Variants in CCDC141 observed in about 807,000 individuals in gnomAD.
CCDC141 encodes the protein coiled-coil domain containing 141.
In CCDC141, 168 loss-of-function variants were observed where a neutral mutation model predicts 181.0. The observed-to-expected ratio is 0.93, with a 90% CI of 0.82 to 1.05. The LOEUF (loss-of-function observed/expected upper bound fraction) is 1.05. Among genes scored for constraint, CCDC141 ranks in the 50% least tolerant of loss-of-function variants. The pLI is 0.00. For synonymous variants in CCDC141, 666 were observed against 642.3 expected, an observed-to-expected ratio of 1.04 and a Z score of -0.56; for missense variants, 1,902 against 1,788.5, an observed-to-expected ratio of 1.06 and a Z score of -1.14.
At chr2:178,966,404 A>G (rs555348868) in intron 4 of CCDC141, among the ~76,000 whole-genome samples, 4 of 152,266 alleles carry the variant, frequency 2.6e-5, no homozygotes, top group African/African-American at 4.8e-5. Context: ...CTCTGGGATG[A>G]AGCTTCCAGA....
intron 3 of CCDC141, among the ~76,000 whole-genome samples, chr2:178,976,643 G>C (rs997286370): frequency 6.6e-6 from 1 of 152,130 alleles, no homozygotes; most frequent in South Asian, 2.1e-4. Context: ...AAATAATCTT[G>C]TAATAATGAT....
At chr2:178,844,291 G>T (rs566337625) in intron 22 of CCDC141, among the ~76,000 whole-genome samples, 2 of 152,100 alleles carry the variant, frequency 1.3e-5, no homozygotes, top group Non-Finnish European at 2.9e-5. Flanking sequence ...TCTTTATTGT[G>T]TCGACCACTC....
At chr2:178,818,503 C>T in the CCDC141 span, among the ~76,000 whole-genome samples, 4 of 152,150 alleles carry the variant, frequency 2.6e-5, no homozygotes, top group African/African-American at 9.7e-5. Flanking sequence ...TGTTTAACTA[C>T]CACTTATAAG....
In CCDC141 at chr2:178,865,819, C is replaced by T. The variant is rs775183674; in HGVS notation, c.2672G>A (p.Arg891Gln). The change falls in exon 17 of 24, where the codon CGG becomes CAG. Residue 891 changes from arginine to glutamine, a missense_variant. By Grantham distance (43) the Arg-to-Gln change is conservative. Transcript: ENST00000443758. Reference protein sequence around the residue: ...KWRAKAEEYGRTLSRSVEYCA... With the variant: ...KWRAKAEEYGQTLSRSVEYCA... ...GTACTCCACACTACGGGACAGGGTC[C>T]GTCCATACTCCTCAGCTTTGGCACG... The T allele has an allele frequency of 1.3e-5, 21 of 1,606,238 alleles. No homozygotes were observed. Among genetic ancestry groups the T allele is most frequent in the Admixed American group, 5.1e-5 (3 of 58,932 alleles).
At chr2:178,949,214 A>G (rs1196331540) in intron 5 of CCDC141, among the ~76,000 whole-genome samples, 1 of 152,100 alleles carries the variant, frequency 6.6e-6, no homozygotes, top group Non-Finnish European at 1.5e-5. Flanking sequence ...TGGAAGTCCC[A>G]CTTTGGACCC....
At chr2:179,022,916 C>T (rs973644333) in intron 2 of CCDC141, among the ~76,000 whole-genome samples, 1 of 109,276 alleles carries the variant, frequency 9.2e-6, no homozygotes, top group Admixed American at 1.0e-4. Context: ...GTATTGCTAA[C>T]TGAGTGGTCC....
chr2:178,982,050 T>C (rs761752007), intron 2 of CCDC141, among the ~76,000 whole-genome samples: 14 of 151,784 alleles, frequency 9.2e-5, no homozygotes, highest in Non-Finnish European at 1.8e-4. Flanking sequence ...TGAGATGAAA[T>C]GGACAAATTC....
At chr2:178,986,915 G>A (rs1433511789) in intron 2 of CCDC141, among the ~76,000 whole-genome samples, 1 of 151,920 alleles carries the variant, frequency 6.6e-6, no homozygotes, top group African/African-American at 2.4e-5. Context: ...TAGATTCAAT[G>A]CCATCCCCAT....
rs536050663 is a variant in CCDC141 at position 178,839,141 on chromosome 2, C to T, written c.3475-1397G>A. Among the ~76,000 whole-genome samples, 84 of 152,212 alleles carry T rather than the reference C, an allele frequency of 5.5e-4. 1 individual carries two copies. The highest frequency in any genetic ancestry group is 6.8e-3 in the Middle Eastern group (2 of 294). Reference sequence around the variant, plus strand: ...ATTTTTAAGAAAATAAGACTGGGTGCGGTGGCTCACACCTGTAATCCCAGC... The same window carrying T: ...ATTTTTAAGAAAATAAGACTGGGTGTGGTGGCTCACACCTGTAATCCCAGC... On this transcript the variant is annotated intron_variant, in intron 22 of 23. Coordinates refer to ENST00000443758, the MANE Select transcript of CCDC141 (RefSeq NM_173648.4).
rs1684327740 is a variant in CCDC141 at position 178,833,141 on chromosome 2, C to T, written c.*1032G>A. On this transcript the variant is annotated 3_prime_UTR_variant, in exon 24 of 24. Transcript: ENST00000443758. Reference sequence around the variant, plus strand: ...CCTCCATGGAACTAGTTGAAGATTACATATTAACAGCACTCCTTTAATTTA... The same window carrying T: ...CCTCCATGGAACTAGTTGAAGATTATATATTAACAGCACTCCTTTAATTTA... 1 of 152,038 alleles carries T rather than the reference C, an allele frequency of 6.6e-6. No individual in the cohort carries two copies. Among genetic ancestry groups the T allele is most frequent in the Non-Finnish European group, 1.5e-5 (1 of 68,028 alleles). The allele number at this position is 152,038 out of a possible 1,614,324, so 9.4% of individuals were successfully genotyped here. A position where few individuals can be genotyped will look rare whatever the true frequency, so the allele number is the denominator to read the frequency against.
chr2:178,994,044 G>T (rs1465416109), intron 2 of CCDC141, among the ~76,000 whole-genome samples: 1 of 152,152 alleles, frequency 6.6e-6, no homozygotes, highest in Non-Finnish European at 1.5e-5. Flanking sequence ...GGTTGGCATT[G>T]ATTGTCTGTG....
chr2:178,822,789 T>A, the CCDC141 span, among the ~76,000 whole-genome samples: 1 of 152,214 alleles, frequency 6.6e-6, no homozygotes, highest in East Asian at 1.9e-4. Flanking sequence ...TATAAAGGCA[T>A]ATCCATCATT....
chr2:178,964,021 G>T (rs1459056730), intron 4 of CCDC141, among the ~76,000 whole-genome samples: 1 of 152,170 alleles, frequency 6.6e-6, no homozygotes, highest in Non-Finnish European at 1.5e-5. Context: ...GGGGCTGGGG[G>T]TAGGGTTCAG....
intron 4 of CCDC141, among the ~76,000 whole-genome samples, chr2:178,971,954 T>C (rs1403963779): frequency 6.6e-6 from 1 of 151,912 alleles, no homozygotes; most frequent in Admixed American, 6.6e-5. Flanking sequence ...AGGATAACAT[T>C]AGGAGAAATA....
intron 8 of CCDC141, among the ~76,000 whole-genome samples, chr2:178,890,413 A>G (rs941087307): frequency 6.6e-6 from 1 of 152,174 alleles, no homozygotes; most frequent in African/African-American, 2.4e-5. Context: ...AGGGGAGTCC[A>G]AATTTTGAAA....
At chr2:178,951,599 T>C (rs1159202683) in intron 5 of CCDC141, among the ~76,000 whole-genome samples, 1 of 152,154 alleles carries the variant, frequency 6.6e-6, no homozygotes, top group Non-Finnish European at 1.5e-5. Context: ...TCTTTGGGGA[T>C]TGGATCATGA....
intron 8 of CCDC141, among the ~76,000 whole-genome samples, chr2:178,901,841 T>C (rs936947102): frequency 9.9e-5 from 15 of 152,180 alleles, no homozygotes; most frequent in African/African-American, 3.6e-4. Flanking sequence ...ACGACATGAT[T>C]GTATATCTAG....
intron 2 of CCDC141, among the ~76,000 whole-genome samples, chr2:178,991,998 CT>C (rs1346676262): frequency 6.6e-6 from 1 of 152,104 alleles, no homozygotes; most frequent in East Asian, 1.9e-4. Flanking sequence ...CTCATCATCA[CT>C]ATTATCACTG....
chr2:178,863,344 T>A (rs541550525), intron 17 of CCDC141, among the ~76,000 whole-genome samples: 90 of 152,374 alleles, frequency 5.9e-4, no homozygotes, highest in Non-Finnish European at 1.2e-3. Flanking sequence ...TGAAACTGTG[T>A]TTAAAAATCA....
Sources: gnomAD v4.1 joint callset for allele counts (sites outside exome capture counted in the v4.1 genomes callset) on GRCh38, gnomAD v4.1.1 for gene constraint, MANE v1.5 for transcripts, NCBI Gene and HGNC (gene_info 2026-07-23, HGNC 2026-07-21) for gene names.